The following TRIM23 variants were observed in gnomAD, a reference collection of about 807,000 sequenced individuals.
TRIM23 encodes E3 ubiquitin-protein ligase TRIM23.
In TRIM23, 27 loss-of-function variants were observed where a neutral mutation model predicts 71.0. The observed-to-expected ratio is 0.38, with a 90% CI of 0.28 to 0.52. TRIM23 has a LOEUF of 0.52. Ranked by LOEUF, TRIM23 falls within the 20% of genes least tolerant of loss-of-function variation. TRIM23 has a pLI of 0.84. For missense variants in TRIM23, 482 were observed against 692.3 expected (o/e 0.70, Z 3.41); for synonymous variants, 234 against 238.0 (o/e 0.98, Z 0.16).
chr5:65,602,332 A>C (rs1460822296), intron 7 of TRIM23, among the ~76,000 whole-genome samples: 1 of 152,172 alleles, frequency 6.6e-6, no homozygotes, highest in Non-Finnish European at 1.5e-5. Context: ...TAAAACAGTA[A>C]CAAGAGTCAC....
intron 7 of TRIM23, among the ~76,000 whole-genome samples, chr5:65,599,172 A>G (rs1057062550): frequency 6.6e-6 from 1 of 152,186 alleles, no homozygotes; most frequent in African/African-American, 2.4e-5. Flanking sequence ...AAAACCCTGA[A>G]GAGTCCACAC....
chr5:65,606,481 A>C, intron 6 of TRIM23, among the ~76,000 whole-genome samples: 1 of 144,832 alleles, frequency 6.9e-6, no homozygotes, highest in Non-Finnish European at 1.5e-5. Context: ...AAAAAAAAAA[A>C]AAACAATTGA....
intron 7 of TRIM23, among the ~76,000 whole-genome samples, chr5:65,603,830 A>C (rs902723242): frequency 3.9e-5 from 6 of 152,228 alleles, no homozygotes; most frequent in Admixed American, 3.9e-4. Context: ...GATTGTATCT[A>C]AAATAAAGCA....
chr5:65,620,514 CAT>C (rs1489310793), intron 1 of TRIM23, among the ~76,000 whole-genome samples: 5 of 152,050 alleles, frequency 3.3e-5, no homozygotes, highest in African/African-American at 9.7e-5. Flanking sequence ...AGAATGATTT[CAT>C]ATGATTAAAA....
At position 65,609,432 on chromosome 5, in the gene TRIM23, C is replaced by T; in HGVS notation, c.855G>A (p.Arg285=). The T allele has an allele frequency of 6.2e-7, 1 of 1,614,014 alleles. No individual in the cohort carries two copies. The highest frequency in any genetic ancestry group is 8.5e-7 in the Non-Finnish European group (1 of 1,179,980). The part of the protein sequence containing the change: ...EHVPGTAENA[R]SCIRAYFYDL... ...CATAAAAATAAGCTCGAATACATGA[C>T]CGGGCATTCTCTGCAGTCCCTGGTA... Residue 285 remains arginine, a synonymous_variant, in exon 6 of 11, where the codon CGG becomes CGA. Transcript: ENST00000231524.
At chr5:65,603,745 T>C (rs1316965732) in intron 7 of TRIM23, among the ~76,000 whole-genome samples, 1 of 152,144 alleles carries the variant, frequency 6.6e-6, no homozygotes, top group East Asian at 1.9e-4. Flanking sequence ...ACATGAACAC[T>C]TTTTAATCAG....
At chr5:65,609,534 G>A (rs1754599173) in intron 5 of TRIM23, 76 bp from the exon 6 acceptor site, 1 of 1,442,008 alleles carries the variant, frequency 6.9e-7, no homozygotes, top group Admixed American at 2.3e-5. Context: ...TAAAATTTCA[G>A]CCTAGGCAAC....
At chr5:65,602,072 G>A (rs1481850242) in intron 7 of TRIM23, among the ~76,000 whole-genome samples, 1 of 152,184 alleles carries the variant, frequency 6.6e-6, no homozygotes, top group Non-Finnish European at 1.5e-5. Flanking sequence ...TGCTACTTAT[G>A]CAAATTTCTG....
intron 1 of TRIM23, among the ~76,000 whole-genome samples, 171 bp downstream of exon 1, chr5:65,624,023 G>A (rs1278034150): frequency 2.0e-5 from 3 of 152,224 alleles, no homozygotes; most frequent in Non-Finnish European, 4.4e-5. Flanking sequence ...GCAATTTCAG[G>A]CCATAGGAGA....
chr5:65,615,695 T>C (rs1480789688), intron 2 of TRIM23, among the ~76,000 whole-genome samples: 1 of 152,232 alleles, frequency 6.6e-6, no homozygotes, highest in Non-Finnish European at 1.5e-5. Flanking sequence ...CACTAAGTGA[T>C]CATTTAAAAA....
At chr5:65,616,423 C>T (rs1346331152) in intron 2 of TRIM23, among the ~76,000 whole-genome samples, 1 of 151,718 alleles carries the variant, frequency 6.6e-6, no homozygotes, top group Middle Eastern at 3.2e-3. Context: ...AGGTGGATCA[C>T]TTGAGGTCAG....
At position 65,609,574 on chromosome 5, in the gene TRIM23, GA is replaced by G. The variant is rs1055494205; in HGVS notation, c.829-117del. 4.5e-6 allele frequency: 5 copies of G among 1,120,196 alleles called. No homozygotes were observed. In the Admixed American group the frequency reaches 1.1e-4, roughly 25 times the overall value. 69.4% of individuals were successfully genotyped at this position (1,120,196 alleles called of 1,614,324 possible). On this transcript the variant is annotated intron_variant, in intron 5 of 10. Coordinates refer to ENST00000231524, the MANE Select transcript of TRIM23 (RefSeq NM_001656.4). ...CAAAACTCTGTCTCTACAAAAAATG[GA>G]AAAAATTAGCCAGCCGTGGTGGCAT...
rs1217139061 is a variant in TRIM23 at position 65,590,737 on chromosome 5, A to G, written c.*1032T>C. The G allele has an allele frequency of 1.0e-6, 1 of 984,986 alleles. No homozygotes were observed. Among genetic ancestry groups the G allele is most frequent in the Admixed American group, 6.2e-5 (1 of 16,210 alleles). 61.0% of individuals were successfully genotyped at this position (984,986 alleles called of 1,614,324 possible). On this transcript the variant is annotated 3_prime_UTR_variant, in exon 11 of 11. Transcript: ENST00000231524. ...TAGAGTAACTTTTCAAGGCCTTCTC[A>G]TGAACAGCCTTAAGTTTTATTGTCA... is the stretch of plus-strand genomic sequence containing the variant.
Position 65,610,951 on chromosome 5 carries a change from A to G in TRIM23, c.738T>C (p.Asp246=). The stretch of plus-strand genomic sequence containing the variant: ...CAATTCCAACTAATTTTCTGGAATA[A>G]TCTGAGATTTCCTCTGTGAAGGTCC... ...CIRTFTEEIS[D]YSRKLVGIVQ... The change falls in exon 5 of 11, where the codon GAT becomes GAC. Residue 246 remains aspartate (D), a synonymous_variant. Coordinates refer to ENST00000231524, the MANE Select transcript of TRIM23 (RefSeq NM_001656.4). 1 of 1,613,910 alleles carries G rather than the reference A, an allele frequency of 6.2e-7. No homozygotes were observed. Among genetic ancestry groups the G allele is most frequent in the East Asian group, 2.2e-5 (1 of 44,856 alleles).
In TRIM23 at chr5:65,591,538, A is replaced by G. The variant is rs750458922; in HGVS notation, c.*231T>C. ...AAATATACTTTTTAAAAGAATGTAT[A>G]TTCAATAAGTTTCTATTTAATTCAA... On this transcript the variant is annotated 3_prime_UTR_variant, in exon 11 of 11. Coordinates refer to ENST00000231524, the MANE Select transcript of TRIM23 (RefSeq NM_001656.4). The G allele has an allele frequency of 6.8e-7, 1 of 1,479,454 alleles. No homozygotes were observed. The highest frequency in any genetic ancestry group is 1.3e-5 in the South Asian group (1 of 75,152). 91.6% of individuals were successfully genotyped at this position (1,479,454 alleles called of 1,614,324 possible).
chr5:65,591,829 A>G lies in TRIM23; in HGVS notation c.1665T>C (p.Tyr555=), dbSNP rs199577878. 4 of 1,613,770 alleles carry G rather than the reference A, an allele frequency of 2.5e-6. No homozygotes were observed. The Admixed American group carries it at 5.0e-5, about 20-fold the overall frequency. The part of the protein sequence containing the change: ...GCDARSGMGL[Y]EGLDWLSRQL... ...GCCGTGAGAGCCAGTCCAACCCTTC[A>G]TACAGTCCCATACCACTTCGAGCAT... The change falls in exon 11 of 11, where the codon TAT becomes TAC. Residue 555 remains tyrosine (Y), a synonymous_variant. Coordinates refer to ENST00000231524, the MANE Select transcript of TRIM23 (RefSeq NM_001656.4).
chr5:65,603,205 G>T (rs1402607247), intron 7 of TRIM23, among the ~76,000 whole-genome samples: 1 of 113,540 alleles, frequency 8.8e-6, no homozygotes, highest in African/African-American at 3.3e-5. Flanking sequence ...TCTACAAAAT[G>T]AAAAATTTCT....
In TRIM23 at chr5:65,611,625, T is replaced by C. The variant is rs761653597; in HGVS notation, c.623A>G (p.Tyr208Cys). The change falls in exon 4 of 11, where the codon TAT (tyrosine) becomes TGT (cysteine). Residue 208 changes from tyrosine to cysteine, a missense_variant. Transcript: ENST00000231524. ...SPLMCCVCKE[Y>C]GKHQGHKHSV... ...TACCTTGTGACCCTGGTGTTTTCCA[T>C]ATTCTTTGCAGACACAGCACATGAG... is the stretch of plus-strand genomic sequence containing the variant. 3.1e-6 allele frequency: 5 copies of C among 1,613,924 alleles called. No individual in the cohort carries two copies. Among genetic ancestry groups the C allele is most frequent in the Non-Finnish European group, 4.2e-6 (5 of 1,179,814 alleles).
rs1366586589 is a variant in TRIM23, at chr5:65,590,239, ATAATT to A, written c.*1525_*1529del. On this transcript the variant is annotated 3_prime_UTR_variant, in exon 11 of 11. Coordinates refer to ENST00000231524, the MANE Select transcript of TRIM23 (RefSeq NM_001656.4). ...GTTATTGAAATCAGTCAAATATTAA[ATAATT>A]TAATTCGGAAGTATTATTTATGCAC... The A allele has an allele frequency of 3.3e-5, 34 of 1,030,526 alleles. No individual in the cohort carries two copies. Among genetic ancestry groups the A allele is most frequent in the Non-Finnish European group, 4.9e-5 (34 of 688,908 alleles). The allele number at this position is 1,030,526 out of a possible 1,614,324, so 63.8% of individuals were successfully genotyped here. A position where few individuals can be genotyped will look rare whatever the true frequency, so the allele number is the denominator to read the frequency against.
Sources: allele counts gnomAD v4.1 joint callset (sites outside exome capture counted in the v4.1 genomes callset), GRCh38; gene constraint gnomAD v4.1.1; transcripts MANE v1.5; gene names NCBI Gene and HGNC (gene_info 2026-07-23, HGNC 2026-07-21).